The following LIPA variants were observed in gnomAD, a reference collection of about 807,000 sequenced individuals.
LIPA encodes lipase A, lysosomal acid type.
Under a neutral mutation model 40.6 loss-of-function variants are expected in LIPA, and 26 were observed. That is an observed-to-expected ratio of 0.64 (90% CI 0.47 to 0.89). The LOEUF (loss-of-function observed/expected upper bound fraction) is 0.89. Among genes scored for constraint, LIPA ranks in the 40% least tolerant of loss-of-function variants. The pLI is 0.00. For missense variants in LIPA, 455 were observed against 479.6 expected (o/e 0.95, Z 0.48); for synonymous variants, 188 against 168.4 (o/e 1.12, Z -0.90).
intron 2 of LIPA, chr10:89,383,482 C>A (rs781304558): frequency 1.9e-6 from 3 of 1,614,166 alleles, no homozygotes; most frequent in East Asian, 4.5e-5. Flanking sequence ...AATACACAAC[C>A]TACTAGCCTA....
At chr10:89,235,853 G>A (rs753779851) in intron 3 of LIPA, among the ~76,000 whole-genome samples, 4 of 152,218 alleles carry the variant, frequency 2.6e-5, no homozygotes, top group Admixed American at 6.5e-5. Context: ...TGAGAATGAC[G>A]AAGTAGTTAA....
At chr10:89,273,394 G>T (rs1169959899) in intron 1 of LIPA, among the ~76,000 whole-genome samples, 1 of 152,124 alleles carries the variant, frequency 6.6e-6, no homozygotes, top group African/African-American at 2.4e-5. Context: ...GTACTGGGAA[G>T]TTAATATCAC....
chr10:89,356,373 G>A (rs115897701), intron 2 of LIPA, among the ~76,000 whole-genome samples: 2,618 of 152,200 alleles, frequency 0.017, 88 homozygotes, highest in African/African-American at 0.059. Context: ...GTAGTAGTCC[G>A]AGGCCTGTTA....
At chr10:89,344,928 G>A (rs1391569022), upstream of LIPA, among the ~76,000 whole-genome samples, 1 of 152,192 alleles carries the variant, frequency 6.6e-6, no homozygotes, top group East Asian at 1.9e-4. Context: ...TACACTTTGG[G>A]AGGCCGAGGC....
intron 1 of LIPA, 197 bp from the exon 2 acceptor site, chr10:89,247,846 T>TTTAATTTA (rs1554869397): frequency 1.8e-5 from 3 of 164,270 alleles, no homozygotes; most frequent in African/African-American, 5.1e-5. Context: ...TTTATTTTTA[T>TTTAATTTA]TTTATTTATT....
chr10:89,332,245 G>GA (rs374028276), intron 1 of LIPA, among the ~76,000 whole-genome samples: 20 of 151,980 alleles, frequency 1.3e-4, no homozygotes, highest in African/African-American at 4.1e-4. Flanking sequence ...ATGCACCTGA[G>GA]AAAAAAAACA....
At chr10:89,242,414 T>C (rs542146271) in intron 3 of LIPA, among the ~76,000 whole-genome samples, 19 of 152,394 alleles carry the variant, frequency 1.2e-4, no homozygotes, top group African/African-American at 4.6e-4. Context: ...CACATCATTA[T>C]AGCTAAGCTT....
At chr10:89,351,152 TA>T (rs908239100) in intron 2 of LIPA, among the ~76,000 whole-genome samples, 1 of 151,876 alleles carries the variant, frequency 6.6e-6, no homozygotes, top group African/African-American at 2.4e-5. Context: ...CATGTCTCTA[TA>T]AAAAATACAA....
At chr10:89,239,036 G>C (rs1842936937) in intron 3 of LIPA, among the ~76,000 whole-genome samples, 2 of 152,196 alleles carry the variant, frequency 1.3e-5, no homozygotes, top group African/African-American at 4.8e-5. Flanking sequence ...TATAATCATA[G>C]TAACAGCAAG....
chr10:89,263,394 C>T (rs1313801904), intron 1 of LIPA, among the ~76,000 whole-genome samples: 1 of 152,152 alleles, frequency 6.6e-6, no homozygotes, highest in African/African-American at 2.4e-5. Context: ...GGATTGCTAC[C>T]AAAAACTACA....
At chr10:89,307,310 G>A (rs879389907) in intron 1 of LIPA, 3 of 1,613,812 alleles carry the variant, frequency 1.9e-6, no homozygotes, top group Non-Finnish European at 2.5e-6. Flanking sequence ...AGCAGATGAA[G>A]ACTCTGAGAG....
At chr10:89,237,638 T>C (rs372679464) in intron 3 of LIPA, among the ~76,000 whole-genome samples, 11 of 152,300 alleles carry the variant, frequency 7.2e-5, no homozygotes, top group South Asian at 4.1e-4. Context: ...AGGGAAAATA[T>C]AGACATCAGC....
chr10:89,290,274 C>T (rs761743637), intron 1 of LIPA, among the ~76,000 whole-genome samples: 2 of 152,044 alleles, frequency 1.3e-5, no homozygotes, highest in East Asian at 3.9e-4. Context: ...CATCCAAAAC[C>T]GTATCCAGGC....
At chr10:89,378,007 C>T in intron 2 of LIPA, 1 of 917,682 alleles carries the variant, frequency 1.1e-6, no homozygotes, top group South Asian at 1.6e-5. Flanking sequence ...TAAAAAACTG[C>T]CTGGATATAC....
At chr10:89,277,824 C>A (rs1216185482) in intron 1 of LIPA, 2 of 152,138 alleles carry the variant, frequency 1.3e-5, no homozygotes, top group Non-Finnish European at 1.5e-5. Flanking sequence ...TACCTGGTAA[C>A]TTTTACTCTA....
At chr10:89,323,224 T>C (rs140823082) in intron 1 of LIPA, among the ~76,000 whole-genome samples, 5,942 of 152,262 alleles carry the variant, frequency 0.039, 377 homozygotes, top group African/African-American at 0.13. Flanking sequence ...GAAAAGGCTT[T>C]TGATAAAATT....
intron 2 of LIPA, among the ~76,000 whole-genome samples, chr10:89,366,922 A>G (rs1564800780): frequency 6.6e-6 from 1 of 152,206 alleles, no homozygotes. Flanking sequence ...CTTGGAACCA[A>G]TCCAAATGTC....
chr10:89,351,010 G>A (rs777331915), intron 2 of LIPA, among the ~76,000 whole-genome samples: 15 of 152,216 alleles, frequency 9.9e-5, no homozygotes, highest in Middle Eastern at 3.4e-3. Context: ...AACCTAAGAC[G>A]GGAAGAGGAA....
chr10:89,367,548 AT>A (rs1844065052), intron 2 of LIPA, among the ~76,000 whole-genome samples: 1 of 152,212 alleles, frequency 6.6e-6, no homozygotes, highest in Non-Finnish European at 1.5e-5. Flanking sequence ...TACATAGAAA[AT>A]TTACTAGAAG....
Sources: allele counts gnomAD v4.1 joint callset (sites outside exome capture counted in the v4.1 genomes callset), GRCh38; gene constraint gnomAD v4.1.1; transcripts MANE v1.5; gene names NCBI Gene and HGNC (gene_info 2026-07-23, HGNC 2026-07-21).